The following TBX20 variants were observed in gnomAD, a reference collection of about 807,000 sequenced individuals.
The protein encoded by TBX20 is T-box transcription factor 20, also known as T-box transcription factor TBX20.
TBX20 carries 8 observed loss-of-function variants against 42.9 expected under a neutral mutation model. That is an observed-to-expected ratio of 0.19 (90% CI 0.11 to 0.34). TBX20 has a LOEUF of 0.34. Ranked by LOEUF, TBX20 falls within the 10% of genes least tolerant of loss-of-function variation. TBX20 has a pLI of 1.00. For missense variants in TBX20, 411 were observed against 566.0 expected, an observed-to-expected ratio of 0.73 and a Z score of 2.78; for synonymous variants, 198 against 222.8, an observed-to-expected ratio of 0.89 and a Z score of 0.99.
In TBX20 at chr7:35,218,759, C is replaced by T. The variant is rs888104017; in HGVS notation, c.890+12745G>A. Among the ~76,000 whole-genome samples the T allele has an allele frequency of 3.3e-5, 5 of 152,010 alleles. No homozygotes were observed. The South Asian group carries it at 1.0e-3, about 32-fold the overall frequency. ...TCTGCTATAGTCTGAACATTTATGT[C>T]CCCTAAAGATTCACGTGTTGAAACC... On this transcript the variant is annotated intron_variant, in intron 6 of 7. Transcript: ENST00000408931.
At chr7:35,206,796 T>C (rs1215141344) in intron 6 of TBX20, among the ~76,000 whole-genome samples, 3 of 152,254 alleles carry the variant, frequency 2.0e-5, no homozygotes, top group African/African-American at 4.8e-5. Context: ...TTAGCTAATA[T>C]ATTCTTTTTT....
At chr7:35,223,502 G>A (rs921763933) in intron 6 of TBX20, among the ~76,000 whole-genome samples, 6 of 152,152 alleles carry the variant, frequency 3.9e-5, no homozygotes, top group Non-Finnish European at 8.8e-5. Flanking sequence ...AGATGAATGA[G>A]ATGAGGAGGA....
At chr7:35,241,783 A>T (rs1389975584) in intron 4 of TBX20, among the ~76,000 whole-genome samples, 2 of 152,358 alleles carry the variant, frequency 1.3e-5, no homozygotes, top group African/African-American at 4.8e-5. Flanking sequence ...CTCAGAAATC[A>T]TAAACACACC....
rs1296801134 is a variant in TBX20, at chr7:35,254,077, G to T, written c.-457C>A. Reference sequence around the variant, plus strand: ...GCTAGGACGCTGGCGTGGGGAGCGCGGCGCGGAACTACGGACAGTGAGCCC... The same window carrying T: ...GCTAGGACGCTGGCGTGGGGAGCGCTGCGCGGAACTACGGACAGTGAGCCC... On this transcript the variant is annotated 5_prime_UTR_variant, in exon 1 of 8. Transcript: ENST00000408931. The T allele has an allele frequency of 6.5e-6, 1 of 154,722 alleles. No individual in the cohort carries two copies. Among genetic ancestry groups the T allele is most frequent in the Admixed American group, 6.4e-5 (1 of 15,576 alleles). The allele number at this position is 154,722 out of a possible 1,614,324, so 9.6% of individuals were successfully genotyped here. A position where few individuals can be genotyped will look rare whatever the true frequency, so the allele number is the denominator to read the frequency against.
At chr7:35,206,695 A>G (rs1352434254) in intron 6 of TBX20, among the ~76,000 whole-genome samples, 1 of 152,236 alleles carries the variant, frequency 6.6e-6, no homozygotes, top group Non-Finnish European at 1.5e-5. Flanking sequence ...CATGGTCCCC[A>G]TCGCAACAAA....
At chr7:35,213,981 T>A (rs1039284536) in intron 6 of TBX20, among the ~76,000 whole-genome samples, 5 of 146,700 alleles carry the variant, frequency 3.4e-5, no homozygotes, top group African/African-American at 1.3e-4. Flanking sequence ...AAGAAAAACA[T>A]GTAGTATGTT....
At chr7:35,251,623 A>G (rs1205537081) in intron 1 of TBX20, among the ~76,000 whole-genome samples, 1 of 152,208 alleles carries the variant, frequency 6.6e-6, no homozygotes, top group African/African-American at 2.4e-5. Context: ...CCTAAGCCCC[A>G]GACTGACCAA....
intron 5 of TBX20, among the ~76,000 whole-genome samples, chr7:35,233,065 T>C (rs1200532543): frequency 2.0e-5 from 3 of 152,166 alleles, no homozygotes; most frequent in Non-Finnish European, 4.4e-5. Context: ...AAAGCAACTT[T>C]CTCCCCAGTC....
At chr7:35,238,689 G>C (rs1029083867) in intron 5 of TBX20, among the ~76,000 whole-genome samples, 9 of 152,210 alleles carry the variant, frequency 5.9e-5, no homozygotes, top group Non-Finnish European at 8.8e-5. Flanking sequence ...CAGATTCGCA[G>C]AGAAACAGCA....
intron 5 of TBX20, among the ~76,000 whole-genome samples, chr7:35,234,951 T>C (rs898196029): frequency 1.3e-5 from 2 of 152,128 alleles, no homozygotes; most frequent in African/African-American, 2.4e-5. Context: ...TGTAGCCCAC[T>C]GTCACTAGAC....
In TBX20 at chr7:35,253,525, C is replaced by T; in HGVS notation, c.96G>A (p.Lys32=). 6.2e-7 allele frequency: 1 copy of T among 1,612,568 alleles called. No individual in the cohort carries two copies. Among genetic ancestry groups the T allele is most frequent in the Admixed American group, 1.7e-5 (1 of 59,978 alleles). ...GTTTGATTGTGTTCTCCGTCGCCTC[C>T]TTCTCCTTAGAGCCGCCGCTCGACA... ...ALMSSGGSKE[K]EATENTIKPL... Residue 32 remains lysine, a synonymous_variant, in exon 1 of 8, where the codon AAG becomes AAA. Transcript: ENST00000408931.
intron 5 of TBX20, among the ~76,000 whole-genome samples, chr7:35,239,186 C>T (rs1428733353): frequency 6.6e-6 from 1 of 152,174 alleles, no homozygotes; most frequent in Non-Finnish European, 1.5e-5. Flanking sequence ...CTGCCCACAT[C>T]CCTTTTCCAG....
chr7:35,231,951 C>T (rs1448509418), intron 5 of TBX20, among the ~76,000 whole-genome samples: 2 of 152,144 alleles, frequency 1.3e-5, no homozygotes, highest in Admixed American at 6.5e-5. Flanking sequence ...GAGAATTATG[C>T]AGAATTCCAG....
intron 3 of TBX20, among the ~76,000 whole-genome samples, chr7:35,247,724 AAAAAATTAGTCATTAAACAAC>A (rs1474817966): frequency 2.0e-5 from 3 of 152,114 alleles, no homozygotes; most frequent in Non-Finnish European, 4.4e-5. Context: ...AATCAATCAC[AAAAAATTAGTCATTAAACAAC>A]AAAAATTAGT....
rs1407534075 is a variant in TBX20, at chr7:35,249,506, T to C, written c.380+445A>G. 6.6e-6 allele frequency among the ~76,000 whole-genome samples: 1 copy of C among 152,184 alleles called. No individual in the cohort carries two copies. Among genetic ancestry groups the C allele is most frequent in the Admixed American group, 6.5e-5 (1 of 15,286 alleles). The stretch of plus-strand genomic sequence containing the variant: ...TCATTCTTCCGCCCAGGTTTTAATT[T>C]TAGTTTTTAATGGGAGCTGGCAGCT... On this transcript the variant is annotated intron_variant, in intron 2 of 7. Coordinates refer to ENST00000408931, the MANE Select transcript of TBX20 (RefSeq NM_001077653.2). This position sits in a 1 kb window ranked among gnomAD's most constrained non-coding sequence, Gnocchi z 4.3.
chr7:35,253,591 T>G lies in TBX20; in HGVS notation c.30A>C (p.Gln10His), dbSNP rs200480759. The G allele has an allele frequency of 6.2e-7, 1 of 1,611,470 alleles. No individual in the cohort carries two copies. The highest frequency in any genetic ancestry group is 2.2e-5 in the East Asian group (1 of 44,808). The change falls in exon 1 of 8, where the codon CAA becomes CAC. Residue 10 changes from glutamine (Q) to histidine (H), a missense_variant. Coordinates refer to ENST00000408931, the MANE Select transcript of TBX20 (RefSeq NM_001077653.2). MEFTASPKP[Q>H]LSSRANAFSI... ...AGAAGGCGTTGGCCCGAGAGGAGAG[T>G]TGGGGCTTGGGGGACGCCGTGAACT... is the stretch of plus-strand genomic sequence containing the variant.
intron 6 of TBX20, among the ~76,000 whole-genome samples, chr7:35,229,945 C>T (rs1258510232): frequency 6.6e-6 from 1 of 152,144 alleles, no homozygotes; most frequent in African/African-American, 2.4e-5. Flanking sequence ...TCTCCAGGAT[C>T]ACTCACCCAG....
At chr7:35,245,197 T>C (rs1790158344) in intron 3 of TBX20, 140 bp from the exon 4 acceptor site, 3 of 636,576 alleles carry the variant, frequency 4.7e-6, no homozygotes, top group Admixed American at 2.5e-5. Context: ...CTCAAATTTA[T>C]TACTATTGCA....
intron 5 of TBX20, 123 bp from the exon 6 acceptor site, chr7:35,231,703 G>A (rs1789870226): frequency 5.4e-6 from 4 of 734,022 alleles, no homozygotes; most frequent in Admixed American, 4.1e-5. Context: ...GTCCTGAGAA[G>A]GGTGGAAAAT....
Sources: allele counts gnomAD v4.1 joint callset (sites outside exome capture counted in the v4.1 genomes callset), GRCh38; gene constraint gnomAD v4.1.1; non-coding constraint Gnocchi (gnomAD v3.1); transcripts MANE v1.5; gene names NCBI Gene and HGNC (gene_info 2026-07-23, HGNC 2026-07-21).